Variants in SFI1 observed in about 807,000 individuals in gnomAD.
SFI1 encodes the protein protein SFI1 homolog.
A neutral mutation model predicts 207.5 loss-of-function variants in SFI1; 195 were observed. That is an observed-to-expected ratio of 0.94 (90% CI 0.84 to 1.06). The LOEUF is 1.06. Among genes scored for constraint, SFI1 ranks in the 50% least tolerant of loss-of-function variants. SFI1 has a pLI of 0.00. For synonymous variants in SFI1, 630 were observed against 598.9 expected, an observed-to-expected ratio of 1.05 and a Z score of -0.76; for missense variants, 1,634 against 1,588.0, an observed-to-expected ratio of 1.03 and a Z score of -0.49.
At chr22:31,615,352 A>G in intron 29 of SFI1, 73 bp downstream of exon 29, 1 of 1,318,522 alleles carries the variant, frequency 7.6e-7, no homozygotes, top group Non-Finnish European at 9.9e-7. Flanking sequence ...TTCTCATGCC[A>G]CAGCTGTACT....
At chr22:31,517,011 A>AC (rs2056618230) in intron 2 of SFI1, among the ~76,000 whole-genome samples, 2 of 149,782 alleles carry the variant, frequency 1.3e-5, no homozygotes, top group Admixed American at 1.3e-4. Context: ...TCGCATGCCT[A>AC]TAATCCCAGC....
intron 6 of SFI1, 53 bp from the exon 7 acceptor site, chr22:31,556,889 A>G: frequency 8.0e-7 from 1 of 1,253,592 alleles, no homozygotes; most frequent in East Asian, 2.4e-5. Context: ...ATCATAACCC[A>G]GAGTAATCCA....
At chr22:31,556,668 C>T (rs926061227) in intron 6 of SFI1, among the ~76,000 whole-genome samples, 60 of 152,150 alleles carry the variant, frequency 3.9e-4, no homozygotes, top group African/African-American at 1.4e-3. Flanking sequence ...CAGAGTATAT[C>T]TATAGAAATA....
intron 4 of SFI1, among the ~76,000 whole-genome samples, chr22:31,541,973 T>C (rs1313492638): frequency 1.1e-4 from 16 of 150,654 alleles, no homozygotes; most frequent in East Asian, 9.8e-4. Context: ...TGGTGGTGGG[T>C]ACCTGTAGTC....
intron 1 of SFI1, among the ~76,000 whole-genome samples, chr22:31,505,436 C>T (rs955206669): frequency 7.2e-6 from 1 of 139,080 alleles, no homozygotes; most frequent in Non-Finnish European, 1.6e-5. Flanking sequence ...GAGACTGTCT[C>T]GGAAAAAAAG....
chr22:31,529,335 G>A (rs971361816), intron 3 of SFI1, among the ~76,000 whole-genome samples: 5 of 152,080 alleles, frequency 3.3e-5, no homozygotes, highest in Admixed American at 3.3e-4. Context: ...ATCACCTGAG[G>A]TCAGGAGTTT....
intron 1 of SFI1, among the ~76,000 whole-genome samples, chr22:31,502,250 A>G (rs896740394): frequency 2.0e-5 from 3 of 152,196 alleles, no homozygotes; most frequent in East Asian, 3.8e-4. Flanking sequence ...ACTACCTTTT[A>G]TGGTAAAATT....
chr22:31,569,121 A>G (rs1443529159), intron 8 of SFI1, among the ~76,000 whole-genome samples: 1 of 152,212 alleles, frequency 6.6e-6, no homozygotes, highest in East Asian at 1.9e-4. Flanking sequence ...AGCCTTCTTT[A>G]TAGAAGAATT....
intron 2 of SFI1, among the ~76,000 whole-genome samples, chr22:31,522,299 C>T (rs941790697): frequency 1.3e-5 from 2 of 152,056 alleles, no homozygotes; most frequent in African/African-American, 4.8e-5. Flanking sequence ...AACTCCTGAT[C>T]CACCTGCCTC....
chr22:31,587,918 G>C (rs1006363427), intron 14 of SFI1: 2 of 152,144 alleles, frequency 1.3e-5, no homozygotes, highest in East Asian at 3.9e-4. Context: ...GGTAAGCCTG[G>C]TATCTCTCTT....
intron 1 of SFI1, among the ~76,000 whole-genome samples, chr22:31,507,864 C>A (rs917196380): frequency 1.3e-5 from 2 of 152,046 alleles, no homozygotes; most frequent in Admixed American, 6.6e-5. Flanking sequence ...CACTTGAGGT[C>A]AGGAGTTTGA....
chr22:31,530,766 T>C (rs917540650), intron 3 of SFI1: 4 of 436,656 alleles, frequency 9.2e-6, no homozygotes, highest in African/African-American at 6.0e-5. Context: ...AAGAATAATA[T>C]GAACAAAAGA....
intron 12 of SFI1, among the ~76,000 whole-genome samples, chr22:31,580,911 T>A (rs76079395): frequency 0.028 from 4,193 of 152,272 alleles, 94 homozygotes; most frequent in South Asian, 0.07. Flanking sequence ...CCCATTTTTT[T>A]ATCTATTTGC....
intron 1 of SFI1, among the ~76,000 whole-genome samples, chr22:31,501,149 A>G (rs1298148579): frequency 6.7e-6 from 1 of 149,988 alleles, no homozygotes; most frequent in African/African-American, 2.5e-5. Flanking sequence ...ATGCTATTGC[A>G]CACTTAACTA....
Position 31,611,129 on chromosome 22 carries a change from T to A in SFI1, c.2255-14T>A. On this transcript the variant is annotated splice_polypyrimidine_tract_variant and intron_variant, in intron 22 of 32. Transcript: ENST00000400288. Reference sequence around the variant, plus strand: ...TCCCACAAAACAGCAAACTCTGACTTGGATCTGCCTTAGGCTGTCTGCGGA... The same window carrying A: ...TCCCACAAAACAGCAAACTCTGACTAGGATCTGCCTTAGGCTGTCTGCGGA... 6.2e-7 allele frequency: 1 copy of A among 1,614,190 alleles called. No individual in the cohort carries two copies. Among genetic ancestry groups the A allele is most frequent in the Non-Finnish European group, 8.5e-7 (1 of 1,180,034 alleles).
intron 8 of SFI1, among the ~76,000 whole-genome samples, chr22:31,568,731 G>A (rs1221271295): frequency 6.6e-6 from 1 of 151,896 alleles, no homozygotes; most frequent in African/African-American, 2.4e-5. Flanking sequence ...AAAAGCTAAT[G>A]GAATTGTGTC....
intron 8 of SFI1, among the ~76,000 whole-genome samples, chr22:31,564,889 C>T (rs1370845435): frequency 1.4e-5 from 2 of 143,828 alleles, no homozygotes; most frequent in Admixed American, 1.5e-4. Context: ...TGTTGGCTCA[C>T]TGCAAGCTCC....
Position 31,528,734 on chromosome 22 carries a change from C to T in SFI1, c.137C>T (p.Thr46Ile), listed in dbSNP as rs1469678463. ...GAVKKPYSAK[T>I]LSNKKSSASF... ...GTTAAGAAACCTTATTCTGCAAAGACACTGTCCAACAAGAAGTCTTCTGCA... is the reference window on the plus strand; with the variant it reads ...GTTAAGAAACCTTATTCTGCAAAGATACTGTCCAACAAGAAGTCTTCTGCA... The change falls in exon 3 of 33, where the codon ACA becomes ATA. Residue 46 changes from threonine to isoleucine, a missense_variant. Thr to Ile is a moderately conservative substitution (Grantham distance 89). Coordinates refer to ENST00000400288, the MANE Select transcript of SFI1 (RefSeq NM_001007467.3). 3.7e-6 allele frequency: 6 copies of T among 1,614,158 alleles called. No individual in the cohort carries two copies. The highest frequency in any genetic ancestry group is 1.6e-4 in the Middle Eastern group (1 of 6,062).
chr22:31,602,272 A>G lies in SFI1; in HGVS notation c.1605A>G (p.Glu535=). 1.2e-6 allele frequency: 2 copies of G among 1,614,146 alleles called. No individual in the cohort carries two copies. The highest frequency in any genetic ancestry group is 2.2e-5 in the South Asian group (2 of 91,082). The change falls in exon 16 of 33, where the codon GAA becomes GAG. Residue 535 remains glutamate (E), a synonymous_variant. Coordinates refer to ENST00000400288, the MANE Select transcript of SFI1 (RefSeq NM_001007467.3). The part of the protein sequence containing the change: ...LWRQKMFQHR[E]NRLAERMAIL... ...GGCAGAAGATGTTTCAGCATCGAGA[A>G]AACCGCCTGGCAGAGAGAATGGTAA...
Sources: allele counts gnomAD v4.1 joint callset (sites outside exome capture counted in the v4.1 genomes callset), GRCh38; gene constraint gnomAD v4.1.1; transcripts MANE v1.5; gene names NCBI Gene and HGNC (gene_info 2026-07-23, HGNC 2026-07-21).